FIP1L1: variants seen among roughly 807,000 people sequenced by gnomAD.
FIP1L1 encodes factor interacting with PAPOLA and CPSF1.
In FIP1L1, 21 loss-of-function variants were observed where a neutral mutation model predicts 84.6. The observed-to-expected ratio is 0.25, with a 90% CI of 0.18 to 0.36. The LOEUF is 0.36. Ranked by LOEUF, FIP1L1 falls within the 10% of genes least tolerant of loss-of-function variation. The pLI is 1.00. For synonymous variants in FIP1L1, 263 were observed against 242.3 expected (o/e 1.09, Z -0.80); for missense variants, 526 against 751.1 (o/e 0.70, Z 3.50).
chr4:53,448,276 A>G (rs1168286738), intron 15 of FIP1L1, among the ~76,000 whole-genome samples: 1 of 151,778 alleles, frequency 6.6e-6, no homozygotes, highest in African/African-American at 2.4e-5. Flanking sequence ...TCTGTCATCT[A>G]TTACATATCT....
At chr4:53,431,123 T>C (rs1766463592) in intron 13 of FIP1L1, among the ~76,000 whole-genome samples, 1 of 152,246 alleles carries the variant, frequency 6.6e-6, no homozygotes, top group African/African-American at 2.4e-5. Flanking sequence ...GACATATTTA[T>C]GTATCCATAA....
intron 13 of FIP1L1, among the ~76,000 whole-genome samples, chr4:53,438,879 TA>T: frequency 6.6e-6 from 1 of 152,316 alleles, no homozygotes; most frequent in East Asian, 1.9e-4. Flanking sequence ...TAAGCTGTAG[TA>T]AGCCTTAGCT....
chr4:53,401,113 G>GA (rs1750017719), intron 10 of FIP1L1, among the ~76,000 whole-genome samples: 1 of 152,166 alleles, frequency 6.6e-6, no homozygotes, highest in Non-Finnish European at 1.5e-5. Context: ...TTCCCTCACA[G>GA]TGTAGTTATC....
chr4:53,379,081 G>T lies in FIP1L1; in HGVS notation c.94G>T (p.Asp32Tyr). 2 of 1,614,034 alleles carry T rather than the reference G, an allele frequency of 1.2e-6. No homozygotes were observed. The highest frequency in any genetic ancestry group is 1.7e-6 in the Non-Finnish European group (2 of 1,179,970). ...EEEWLYGGPW[D>Y]VHVHSDLAKD... Reference sequence around the variant, plus strand: ...TTTGGATGTGCTTATAGGCCCATGGGACGTGCATGTGCACAGTGATTTGGC... The same window carrying T: ...TTTGGATGTGCTTATAGGCCCATGGTACGTGCATGTGCACAGTGATTTGGC... Residue 32 changes from aspartate to tyrosine, a missense_variant, in exon 2 of 18, where the codon GAC becomes TAC. Asp to Tyr is a radical substitution (Grantham distance 160). Coordinates refer to ENST00000337488, the MANE Select transcript of FIP1L1 (RefSeq NM_030917.4).
At chr4:53,440,588 CA>C in intron 13 of FIP1L1, 1 of 1,519,212 alleles carries the variant, frequency 6.6e-7, no homozygotes, top group South Asian at 1.2e-5. Flanking sequence ...TTAGGTATTC[CA>C]ATAACTGTAC....
intron 12 of FIP1L1, among the ~76,000 whole-genome samples, chr4:53,426,682 A>G (rs1764488154): frequency 6.6e-6 from 1 of 152,200 alleles, no homozygotes; most frequent in Admixed American, 6.5e-5. Context: ...ATTTCTGTGT[A>G]TACTTTTTTC....
intron 3 of FIP1L1, 70 bp downstream of exon 3, chr4:53,379,334 A>T: frequency 7.6e-7 from 1 of 1,320,572 alleles, no homozygotes; most frequent in East Asian, 2.3e-5. Context: ...AGTTGTCAAA[A>T]TTATTTTCTT....
intron 11 of FIP1L1, among the ~76,000 whole-genome samples, chr4:53,418,162 A>G (rs1407449391): frequency 2.6e-5 from 4 of 151,738 alleles, no homozygotes; most frequent in East Asian, 3.9e-4. Context: ...GGTTGTGTGC[A>G]CCTGTGGCCC....
At chr4:53,433,404 C>T (rs1767614117) in intron 13 of FIP1L1, among the ~76,000 whole-genome samples, 1 of 152,102 alleles carries the variant, frequency 6.6e-6, no homozygotes, top group Non-Finnish European at 1.5e-5. Context: ...GTCTGACTTA[C>T]TTTGTTTCTA....
intron 9 of FIP1L1, among the ~76,000 whole-genome samples, chr4:53,393,781 C>A (rs868438682): frequency 8.6e-6 from 1 of 116,606 alleles, no homozygotes; most frequent in Non-Finnish European, 1.8e-5. Flanking sequence ...CCCCCCCCCC[C>A]GCCCCCGGCT....
intron 13 of FIP1L1, among the ~76,000 whole-genome samples, chr4:53,433,716 G>C (rs138600471): frequency 6.6e-6 from 1 of 152,110 alleles, no homozygotes; most frequent in South Asian, 2.1e-4. Context: ...AACTACTGTG[G>C]ACCACAAACC....
chr4:53,428,658 T>G (rs935449189), intron 13 of FIP1L1, among the ~76,000 whole-genome samples: 2 of 152,248 alleles, frequency 1.3e-5, no homozygotes, highest in African/African-American at 4.8e-5. Flanking sequence ...ATTTATTTCT[T>G]TTAAACAAAA....
chr4:53,401,174 C>T (rs1377545765), intron 10 of FIP1L1, among the ~76,000 whole-genome samples: 2 of 152,168 alleles, frequency 1.3e-5, no homozygotes, highest in Non-Finnish European at 2.9e-5. Flanking sequence ...GTGCTGGTAC[C>T]TAGAAAATAC....
chr4:53,408,377 T>C (rs1261173133), intron 10 of FIP1L1, among the ~76,000 whole-genome samples: 3 of 152,226 alleles, frequency 2.0e-5, no homozygotes, highest in African/African-American at 7.2e-5. Context: ...GTTAGTCTAA[T>C]GGGCTTCACT....
intron 12 of FIP1L1, among the ~76,000 whole-genome samples, chr4:53,427,814 G>A (rs1420068231): frequency 6.6e-6 from 1 of 151,932 alleles, no homozygotes; most frequent in African/African-American, 2.4e-5. Flanking sequence ...ATTTGAATAT[G>A]CACATTTTTA....
At chr4:53,384,606 C>T (rs926701626) in intron 5 of FIP1L1, among the ~76,000 whole-genome samples, 4 of 152,142 alleles carry the variant, frequency 2.6e-5, no homozygotes, top group Admixed American at 2.0e-4. Context: ...GTTTCTAATT[C>T]TCCCTTAGGC....
At chr4:53,417,396 C>G (rs890017906) in intron 11 of FIP1L1, among the ~76,000 whole-genome samples, 1 of 151,998 alleles carries the variant, frequency 6.6e-6, no homozygotes. Flanking sequence ...AATCCCAGCA[C>G]TTTGGGAGGC....
chr4:53,410,234 T>G (rs1185319117), intron 10 of FIP1L1, among the ~76,000 whole-genome samples: 1 of 152,208 alleles, frequency 6.6e-6, no homozygotes, highest in Non-Finnish European at 1.5e-5. Context: ...ATGAGGATGA[T>G]TTTTTTGATT....
chr4:53,408,971 G>C (rs28835433), intron 10 of FIP1L1, among the ~76,000 whole-genome samples: 1 of 151,924 alleles, frequency 6.6e-6, no homozygotes, highest in Non-Finnish European at 1.5e-5. Context: ...TAGTTTGATC[G>C]TCTGAAGCTT....
Sources: allele counts gnomAD v4.1 joint callset (sites outside exome capture counted in the v4.1 genomes callset), GRCh38; gene constraint gnomAD v4.1.1; transcripts MANE v1.5; gene names NCBI Gene and HGNC (gene_info 2026-07-23, HGNC 2026-07-21).